PLEKHA1: variants seen among roughly 807,000 people sequenced by gnomAD.
PLEKHA1 encodes the protein pleckstrin homology domain containing A1.
PLEKHA1 carries 34 observed loss-of-function variants against 52.0 expected under a neutral mutation model. That is an observed-to-expected ratio of 0.65 (90% CI 0.50 to 0.87). PLEKHA1 has a LOEUF of 0.87. Among genes scored for constraint, PLEKHA1 ranks in the 40% least tolerant of loss-of-function variants. The probability of loss-of-function intolerance (pLI) is 0.00; values close to 1 mark genes in which losing one functional copy is unlikely to be tolerated. For synonymous variants in PLEKHA1, 163 were observed against 170.7 expected, an observed-to-expected ratio of 0.95 and a Z score of 0.35; for missense variants, 497 against 504.2, an observed-to-expected ratio of 0.99 and a Z score of 0.14.
At chr10:122,392,943 G>C (rs753789555) in intron 1 of PLEKHA1, among the ~76,000 whole-genome samples, 3 of 151,904 alleles carry the variant, frequency 2.0e-5, no homozygotes, top group Non-Finnish European at 2.9e-5. Context: ...ATTCAGCTGA[G>C]GTGAGTAGCT....
At position 122,429,771 on chromosome 10, in the gene PLEKHA1, A is replaced by G. The variant is rs1248630125; in HGVS notation, c.1048A>G (p.Lys350Glu). The G allele has an allele frequency of 1.9e-6, 3 of 1,614,198 alleles. No homozygotes were observed. Among genetic ancestry groups the G allele is most frequent in the Middle Eastern group, 1.6e-4 (1 of 6,062 alleles). The change falls in exon 12 of 12, where the codon AAG becomes GAG. Residue 350 changes from lysine to glutamate, a missense_variant. Physicochemically the swap from Lys to Glu is moderately conservative, Grantham distance 56. Transcript: ENST00000368990. The stretch of plus-strand genomic sequence containing the variant: ...GCGAGGATTTTACGAGTCTCTTGCC[A>G]AGGTCAAGCCAGGGAACTTCAAGGT... Reference protein sequence around the residue: ...EKRGFYESLAKVKPGNFKVQT... With the variant: ...EKRGFYESLAEVKPGNFKVQT...
intron 11 of PLEKHA1, chr10:122,428,445 G>C: frequency 7.1e-7 from 1 of 1,410,216 alleles, no homozygotes; most frequent in East Asian, 2.7e-5. Flanking sequence ...ACTGCCTTTT[G>C]CAGTTATCAT....
chr10:122,418,002 ATGTT>A (rs1442537859), intron 8 of PLEKHA1, 34 bp downstream of exon 8: 2 of 1,536,120 alleles, frequency 1.3e-6, no homozygotes, highest in Admixed American at 1.7e-5. Context: ...TGCTATAAGA[ATGTT>A]TGAAAAGTGT....
intron 2 of PLEKHA1, among the ~76,000 whole-genome samples, chr10:122,394,644 G>A (rs1169117872): frequency 6.6e-6 from 1 of 152,122 alleles, no homozygotes; most frequent in Non-Finnish European, 1.5e-5. Flanking sequence ...TTTTAGATTA[G>A]ACAAGATATA....
At chr10:122,379,951 A>G (rs533884457) in intron 1 of PLEKHA1, among the ~76,000 whole-genome samples, 33 of 152,210 alleles carry the variant, frequency 2.2e-4, no homozygotes, top group Non-Finnish European at 4.4e-4. Flanking sequence ...CTGATTTGTA[A>G]GATCTAACTA....
chr10:122,429,517 TG>T, intron 11 of PLEKHA1, 106 bp from the exon 12 acceptor site: 1 of 882,678 alleles, frequency 1.1e-6, no homozygotes, highest in South Asian at 1.7e-5. Flanking sequence ...TGTGTGTGTG[TG>T]TGTGTGTGTG....
At chr10:122,399,019 G>T (rs1452477179) in intron 3 of PLEKHA1, among the ~76,000 whole-genome samples, 6 of 152,140 alleles carry the variant, frequency 3.9e-5, no homozygotes, top group African/African-American at 1.2e-4. Context: ...CTGGCCAGCT[G>T]CTTTCCTCTC....
At chr10:122,402,368 A>G (rs985997736) in intron 4 of PLEKHA1, among the ~76,000 whole-genome samples, 5 of 152,244 alleles carry the variant, frequency 3.3e-5, no homozygotes, top group Admixed American at 1.3e-4. Context: ...TAGAACCACA[A>G]CTTTCATTCA....
chr10:122,381,538 A>C (rs998417965), intron 1 of PLEKHA1, among the ~76,000 whole-genome samples: 1 of 152,086 alleles, frequency 6.6e-6, no homozygotes, highest in African/African-American at 2.4e-5. Context: ...CTGCGATGTA[A>C]GAGGTAACTC....
chr10:122,390,070 T>C (rs180804698), intron 1 of PLEKHA1, among the ~76,000 whole-genome samples: 1 of 152,362 alleles, frequency 6.6e-6, no homozygotes, highest in Admixed American at 6.5e-5. Flanking sequence ...AGCTTCTATA[T>C]CAGCACTTGC....
chr10:122,413,632 G>A (rs1201047873), intron 6 of PLEKHA1, among the ~76,000 whole-genome samples: 2 of 152,014 alleles, frequency 1.3e-5, no homozygotes, highest in Non-Finnish European at 1.5e-5. Flanking sequence ...TATCTCAGAA[G>A]TACTAATATG....
rs760136895 is a variant in PLEKHA1 at position 122,415,984 on chromosome 10, T to C, written c.594T>C (p.Cys198=). ...GTGCGGTTATCAAAGCTGGATATTG[T>C]GTAAAACAAGGAGCAGTGGTGAGTA... is the stretch of plus-strand genomic sequence containing the variant. ...QDSAVIKAGY[C]VKQGAVMKNW... is the part of the protein sequence containing the mutation. Residue 198 remains cysteine (C), a synonymous_variant, in exon 7 of 12, where the codon TGT becomes TGC. Transcript: ENST00000368990. 1 of 1,612,722 alleles carries C rather than the reference T, an allele frequency of 6.2e-7. No homozygotes were observed. The highest frequency in any genetic ancestry group is 8.5e-7 in the Non-Finnish European group (1 of 1,179,438).
In PLEKHA1 at chr10:122,374,753, G is replaced by A. The variant is rs999517685; in HGVS notation, c.-74G>A. On this transcript the variant is annotated 5_prime_UTR_variant, in exon 1 of 12. Coordinates refer to ENST00000368990, the MANE Select transcript of PLEKHA1 (RefSeq NM_001001974.4). Reference sequence around the variant, plus strand: ...CGCGGACGCCGCTCCGGGCAGCCGAGCCTCTGTGGGAGCCGGGGCCGCGGC... The same window carrying A: ...CGCGGACGCCGCTCCGGGCAGCCGAACCTCTGTGGGAGCCGGGGCCGCGGC... The A allele has an allele frequency of 3.3e-5, 5 of 151,890 alleles. No individual in the cohort carries two copies. The highest frequency in any genetic ancestry group is 1.9e-4 in the East Asian group (1 of 5,168). The allele number at this position is 151,890 out of a possible 1,614,324, so 9.4% of individuals were successfully genotyped here.
intron 5 of PLEKHA1, chr10:122,412,606 C>A: frequency 3.7e-6 from 1 of 267,952 alleles, no homozygotes; most frequent in Non-Finnish European, 7.2e-6. Context: ...TCCCTAATGC[C>A]CCTGAGCCTA....
chr10:122,410,815 T>C (rs376006072), intron 5 of PLEKHA1, among the ~76,000 whole-genome samples: 9 of 152,328 alleles, frequency 5.9e-5, no homozygotes, highest in African/African-American at 1.9e-4. Context: ...CTGACTAAAC[T>C]TCTTGAGAGA....
intron 8 of PLEKHA1, chr10:122,421,590 T>G (rs1047864446): frequency 6.6e-6 from 1 of 152,118 alleles, no homozygotes; most frequent in Non-Finnish European, 1.5e-5. Context: ...AATCAGTTCT[T>G]TATGCTGTAT....
chr10:122,420,607 G>A (rs1025298703), intron 8 of PLEKHA1: 2 of 152,204 alleles, frequency 1.3e-5, no homozygotes, highest in African/African-American at 4.8e-5. Context: ...TAAGTGCACA[G>A]CCGAAAAATT....
At chr10:122,426,577 A>T (rs986421726) in intron 10 of PLEKHA1, among the ~76,000 whole-genome samples, 1 of 152,248 alleles carries the variant, frequency 6.6e-6, no homozygotes, top group African/African-American at 2.4e-5. Flanking sequence ...CAGAATTTTT[A>T]AAAATTACAC....
intron 4 of PLEKHA1, among the ~76,000 whole-genome samples, chr10:122,401,986 A>G (rs1398485290): frequency 1.3e-5 from 2 of 152,180 alleles, no homozygotes; most frequent in Non-Finnish European, 2.9e-5. Flanking sequence ...CTATGAAGCT[A>G]TTTTTAAAAG....
Sources: gnomAD v4.1 joint callset for allele counts (sites outside exome capture counted in the v4.1 genomes callset) on GRCh38, gnomAD v4.1.1 for gene constraint, MANE v1.5 for transcripts, NCBI Gene and HGNC (gene_info 2026-07-23, HGNC 2026-07-21) for gene names.